Variants in SMIM30 observed in about 807,000 individuals in gnomAD.
SMIM30 encodes the protein long intergenic non-protein coding RNA 998.
For synonymous variants in SMIM30, 19 were observed against 11.5 expected, an observed-to-expected ratio of 1.65 and a Z score of -1.31; for missense variants, 43 against 27.6, an observed-to-expected ratio of 1.56 and a Z score of -1.25.
chr7:113,117,542 TGAG>T lies in SMIM30; in HGVS notation c.34_36del (p.Leu12del), dbSNP rs772535546. On this transcript the variant is annotated inframe_deletion, in exon 3 of 3. Transcript: ENST00000397764. ...ACAGGCAGCACCAAAAGCAGTGACATGAGGACTAAGGACAACTGTGTTGAAACT... is the reference window on the plus strand; with the variant it reads ...ACAGGCAGCACCAAAAGCAGTGACATGACTAAGGACAACTGTGTTGAAACT... 5.0e-5 allele frequency: 35 copies of T among 702,784 alleles called. No individual in the cohort carries two copies. The highest frequency in any genetic ancestry group is 2.3e-4 in the Middle Eastern group (1 of 4,390). The allele number at this position is 702,784 out of a possible 1,614,324, so 43.5% of individuals were successfully genotyped here.
rs1584573343 is a variant in SMIM30 at position 113,117,421 on chromosome 7, C to T, written c.158G>A (p.Arg53Gln). 1 of 702,878 alleles carries T rather than the reference C, an allele frequency of 1.4e-6. No individual in the cohort carries two copies. Among genetic ancestry groups the T allele is most frequent in the Non-Finnish European group, 2.6e-6 (1 of 384,858 alleles). The allele number at this position is 702,878 out of a possible 1,614,324, so 43.5% of individuals were successfully genotyped here. A position where few individuals can be genotyped will look rare whatever the true frequency, so the allele number is the denominator to read the frequency against. Reference sequence around the variant, plus strand: ...AAGTCACATCTGTCCATTTCTTTTTCGTGCATATACCCCCAAGCAGGCACA... The same window carrying T: ...AAGTCACATCTGTCCATTTCTTTTTTGTGCATATACCCCCAAGCAGGCACA... ...GICACLGVYARKRNGQM is the reference protein window; with the variant it reads ...GICACLGVYAQKRNGQM The change falls in exon 3 of 3, where the codon CGA (arginine) becomes CAA (glutamine). Residue 53 changes from arginine (R) to glutamine (Q), a missense_variant. Physicochemically the swap from Arg to Gln is conservative, Grantham distance 43. Transcript: ENST00000397764.
In SMIM30 at chr7:113,118,083, T is replaced by C. The variant is rs1019257808; in HGVS notation, c.-45A>G. 1.5e-5 allele frequency: 7 copies of C among 453,466 alleles called. No homozygotes were observed. Among genetic ancestry groups the C allele is most frequent in the Non-Finnish European group, 2.7e-5 (6 of 226,294 alleles). 28.1% of individuals were successfully genotyped at this position (453,466 alleles called of 1,614,324 possible). Reference sequence around the variant, plus strand: ...TAAGACTTACCAAAGAAATGGTATATATAGAATTCTATCTGACTTGAAATT... The same window carrying C: ...TAAGACTTACCAAAGAAATGGTATACATAGAATTCTATCTGACTTGAAATT... On this transcript the variant is annotated 5_prime_UTR_variant, in exon 2 of 3. The change creates a new upstream start codon in the 5' untranslated region. Coordinates refer to ENST00000397764, the MANE Select transcript of SMIM30 (RefSeq NM_001352688.2).
chr7:113,117,499 G>A lies in SMIM30; in HGVS notation c.80C>T (p.Ala27Val). 1 of 702,862 alleles carries A rather than the reference G, an allele frequency of 1.4e-6. No individual in the cohort carries two copies. Among genetic ancestry groups the A allele is most frequent in the Non-Finnish European group, 2.6e-6 (1 of 384,876 alleles). 43.5% of individuals were successfully genotyped at this position (702,862 alleles called of 1,614,324 possible). Residue 27 changes from alanine (A) to valine (V), a missense_variant, in exon 3 of 3, where the codon GCC becomes GTC. By Grantham distance (64) the Ala-to-Val change is moderately conservative. Coordinates refer to ENST00000397764, the MANE Select transcript of SMIM30 (RefSeq NM_001352688.2). ...TAACAAAAGGGCGATTGCATCACCG[G>A]CTTCTACTGCTTCCACAACAGGCAG... ...LVLPVVEAVE[A>V]GDAIALLLGV...
chr7:113,117,324 A>G lies in SMIM30; in HGVS notation c.*75T>C, dbSNP rs1794696479. 1.5e-6 allele frequency: 1 copy of G among 685,506 alleles called. No homozygotes were observed. Among genetic ancestry groups the G allele is most frequent in the African/African-American group, 1.8e-5 (1 of 56,512 alleles). The allele number at this position is 685,506 out of a possible 1,614,324, so 42.5% of individuals were successfully genotyped here. ...TTTACTGATTCTTGGAACCTTTCACACACCAAATCTCAGGTTTAGCCTCTA... is the reference window on the plus strand; with the variant it reads ...TTTACTGATTCTTGGAACCTTTCACGCACCAAATCTCAGGTTTAGCCTCTA... On this transcript the variant is annotated 3_prime_UTR_variant, in exon 3 of 3. Coordinates refer to ENST00000397764, the MANE Select transcript of SMIM30 (RefSeq NM_001352688.2).
chr7:113,117,791 T>C (rs1794709554), intron 2 of SMIM30, 184 bp from the exon 3 acceptor site: 1 of 566,912 alleles, frequency 1.8e-6, no homozygotes, highest in Admixed American at 3.0e-5. Flanking sequence ...TAATTTGAGG[T>C]TCATCTCCCT....
chr7:113,117,030 A>G lies in SMIM30; in HGVS notation c.*369T>C, dbSNP rs1794691419. The G allele has an allele frequency of 5.2e-6, 1 of 191,620 alleles. No homozygotes were observed. The highest frequency in any genetic ancestry group is 1.1e-5 in the Non-Finnish European group (1 of 90,436). The allele number at this position is 191,620 out of a possible 1,614,324, so 11.9% of individuals were successfully genotyped here. A position where few individuals can be genotyped will look rare whatever the true frequency, so the allele number is the denominator to read the frequency against. ...AAGACTCCTCAACGATTCAGGAGGC[A>G]GTGATTATAACCGAACAGTGGTGAT... On this transcript the variant is annotated 3_prime_UTR_variant, in exon 3 of 3. Transcript: ENST00000397764.
chr7:113,117,484 GC>G lies in SMIM30; in HGVS notation c.94del (p.Ala32ProfsTer4), dbSNP rs1794700937. 3 of 702,894 alleles carry G rather than the reference GC, an allele frequency of 4.3e-6. No individual in the cohort carries two copies. Among genetic ancestry groups the G allele is most frequent in the South Asian group, 1.5e-5 (1 of 67,580 alleles). The allele number at this position is 702,894 out of a possible 1,614,324, so 43.5% of individuals were successfully genotyped here. A position where few individuals can be genotyped will look rare whatever the true frequency, so the allele number is the denominator to read the frequency against. ...VEAVEAGDAI[A>X]LLLGVVLSIT... Reference sequence around the variant, plus strand: ...GCTGAGAACCACACCTAACAAAAGGGCGATTGCATCACCGGCTTCTACTGCT... The same window carrying G: ...GCTGAGAACCACACCTAACAAAAGGGGATTGCATCACCGGCTTCTACTGCT... On this transcript the variant is annotated frameshift_variant, in exon 3 of 3. Transcript: ENST00000397764. LOFTEE classifies it high-confidence loss of function.
chr7:113,117,614 A>C lies in SMIM30; in HGVS notation c.-29-7T>G. ...TCTTGAGGGCTGAAGGTTCCTAGAA[A>C]TTAAACATGGAAACAAAAAGGAACC... On this transcript the variant is annotated splice_polypyrimidine_tract_variant and splice_region_variant and intron_variant, in intron 2 of 2. Coordinates refer to ENST00000397764, the MANE Select transcript of SMIM30 (RefSeq NM_001352688.2). The C allele has an allele frequency of 1.4e-6, 1 of 702,130 alleles. No individual in the cohort carries two copies. Among genetic ancestry groups the C allele is most frequent in the Non-Finnish European group, 2.6e-6 (1 of 384,388 alleles). 43.5% of individuals were successfully genotyped at this position (702,130 alleles called of 1,614,324 possible).
Position 113,117,356 on chromosome 7 carries a change from A to C in SMIM30, c.*43T>G. 1.4e-6 allele frequency: 1 copy of C among 701,656 alleles called. No individual in the cohort carries two copies. Among genetic ancestry groups the C allele is most frequent in the East Asian group, 2.7e-5 (1 of 37,270 alleles). The allele number at this position is 701,656 out of a possible 1,614,324, so 43.5% of individuals were successfully genotyped here. A position where few individuals can be genotyped will look rare whatever the true frequency, so the allele number is the denominator to read the frequency against. On this transcript the variant is annotated 3_prime_UTR_variant, in exon 3 of 3. Transcript: ENST00000397764. ...ATCTCAGGTTTAGCCTCTAAAGCGC[A>C]AAGGTTTTCAGGGTGAGGTTTGACT...
intron 2 of SMIM30, 150 bp downstream of exon 2, chr7:113,117,918 C>T (rs879078781): frequency 5.6e-6 from 2 of 359,544 alleles, no homozygotes; most frequent in South Asian, 4.8e-5. Context: ...AAAAAAAGCA[C>T]GAGCCACTAA....
chr7:113,117,921 G>T (rs1315724959), intron 2 of SMIM30, 147 bp downstream of exon 2: 5 of 362,106 alleles, frequency 1.4e-5, no homozygotes. Context: ...AAAAGCACGA[G>T]CCACTAACTT....
In SMIM30 at chr7:113,117,002, TAA is replaced by T. The variant is rs1794690504; in HGVS notation, c.*395_*396del. The T allele has an allele frequency of 6.1e-6, 1 of 165,126 alleles. No homozygotes were observed. Among genetic ancestry groups the T allele is most frequent in the East Asian group, 1.6e-4 (1 of 6,082 alleles). The allele number at this position is 165,126 out of a possible 1,614,324, so 10.2% of individuals were successfully genotyped here. A position where few individuals can be genotyped will look rare whatever the true frequency, so the allele number is the denominator to read the frequency against. On this transcript the variant is annotated 3_prime_UTR_variant, in exon 3 of 3. Coordinates refer to ENST00000397764, the MANE Select transcript of SMIM30 (RefSeq NM_001352688.2). ...GAGACAACAAAACAAAAATCTAATT[TAA>T]AAGACTCCTCAACGATTCAGGAGGC...
In SMIM30 at chr7:113,117,434, C is replaced by G. The variant is rs1390099236; in HGVS notation, c.145G>C (p.Gly49Arg). ...CCATTTCTTTTTCGTGCATATACCC[C>G]CAAGCAGGCACAAATGCCTGTAATG... ...LSITGICACLGVYARKRNGQM is the reference protein window; with the variant it reads ...LSITGICACLRVYARKRNGQM The change falls in exon 3 of 3, where the codon GGG becomes CGG. Residue 49 changes from glycine (G) to arginine (R), a missense_variant. Physicochemically the swap from Gly to Arg is moderately radical, Grantham distance 125. Transcript: ENST00000397764. 3 of 702,934 alleles carry G rather than the reference C, an allele frequency of 4.3e-6. No individual in the cohort carries two copies. The highest frequency in any genetic ancestry group is 2.0e-5 in the Admixed American group (1 of 49,988). The allele number at this position is 702,934 out of a possible 1,614,324, so 43.5% of individuals were successfully genotyped here.
Position 113,117,479 on chromosome 7 carries a change from A to G in SMIM30, c.100T>C (p.Leu34=), listed in dbSNP as rs1465199666. The change falls in exon 3 of 3, where the codon TTG becomes CTG. Residue 34 remains leucine (L), a synonymous_variant. Coordinates refer to ENST00000397764, the MANE Select transcript of SMIM30 (RefSeq NM_001352688.2). ...AVEAGDAIAL[L]LGVVLSITGI... The stretch of plus-strand genomic sequence containing the variant: ...GTAATGCTGAGAACCACACCTAACA[A>G]AAGGGCGATTGCATCACCGGCTTCT... 1 of 702,914 alleles carries G rather than the reference A, an allele frequency of 1.4e-6. No individual in the cohort carries two copies. The highest frequency in any genetic ancestry group is 1.5e-5 in the South Asian group (1 of 67,586). The allele number at this position is 702,914 out of a possible 1,614,324, so 43.5% of individuals were successfully genotyped here. A position where few individuals can be genotyped will look rare whatever the true frequency, so the allele number is the denominator to read the frequency against.
chr7:113,118,117 C>T lies in SMIM30; in HGVS notation c.-79G>A. Reference sequence around the variant, plus strand: ...CTATCTGACTTGAAATTTTCCCTTCCTGGAGCTCCGGATGCTGAGATTAAG... The same window carrying T: ...CTATCTGACTTGAAATTTTCCCTTCTTGGAGCTCCGGATGCTGAGATTAAG... On this transcript the variant is annotated 5_prime_UTR_variant, in exon 2 of 3. Coordinates refer to ENST00000397764, the MANE Select transcript of SMIM30 (RefSeq NM_001352688.2). 2.2e-6 allele frequency: 1 copy of T among 453,538 alleles called. No homozygotes were observed. The highest frequency in any genetic ancestry group is 4.4e-6 in the Non-Finnish European group (1 of 226,032). The allele number at this position is 453,538 out of a possible 1,614,324, so 28.1% of individuals were successfully genotyped here.
rs1179396689 is a variant in SMIM30, at chr7:113,117,216, T to C, written c.*183A>G. 1.8e-6 allele frequency: 1 copy of C among 566,792 alleles called. No individual in the cohort carries two copies. The highest frequency in any genetic ancestry group is 2.9e-5 in the East Asian group (1 of 34,958). 35.1% of individuals were successfully genotyped at this position (566,792 alleles called of 1,614,324 possible). On this transcript the variant is annotated 3_prime_UTR_variant, in exon 3 of 3. Transcript: ENST00000397764. ...GCATTTTTCTGTGCATTATTTGTTGTAAAGAAAACATTTTTTTTTCAATTT... is the reference window on the plus strand; with the variant it reads ...GCATTTTTCTGTGCATTATTTGTTGCAAAGAAAACATTTTTTTTTCAATTT...
At chr7:113,118,293 T>C in intron 1 of SMIM30, 132 bp from the exon 2 acceptor site, 1 of 422,058 alleles carries the variant, frequency 2.4e-6, no homozygotes, top group Non-Finnish European at 4.7e-6. Context: ...GGTAGGGGGA[T>C]AGGTAATGAG....
chr7:113,118,012 G>A (rs1794714944), intron 2 of SMIM30, 56 bp downstream of exon 2: 1 of 409,822 alleles, frequency 2.4e-6, no homozygotes, highest in Non-Finnish European at 4.8e-6. Flanking sequence ...GACAAATTTG[G>A]CAAAAGTCAC....
chr7:113,118,418 A>G, intron 1 of SMIM30, 110 bp downstream of exon 1: 1 of 455,818 alleles, frequency 2.2e-6, no homozygotes, highest in South Asian at 1.5e-5. Flanking sequence ...CTTGATATTA[A>G]GATTTGAAAA....
Sources: allele counts gnomAD v4.1 joint callset, GRCh38; gene constraint gnomAD v4.1.1; transcripts MANE v1.5; gene names NCBI Gene and HGNC (gene_info 2026-07-23, HGNC 2026-07-21).